The following ENTPD7 variants were observed in gnomAD, a reference collection of about 807,000 sequenced individuals.
ENTPD7 encodes the protein NTPDase 7.
ENTPD7 carries 53 observed loss-of-function variants against 77.9 expected under a neutral mutation model. The ratio of observed to expected loss-of-function variants is 0.68; its 90% confidence interval spans 0.55 to 0.85. The LOEUF (loss-of-function observed/expected upper bound fraction) is 0.85, where lower values mean the gene tolerates loss of function less well. Ranked by LOEUF, ENTPD7 falls within the 40% of genes least tolerant of loss-of-function variation. The probability of loss-of-function intolerance (pLI) is 0.00; values close to 1 mark genes in which losing one functional copy is unlikely to be tolerated. For synonymous variants in ENTPD7, 248 were observed against 274.9 expected (o/e 0.90, Z 0.97); for missense variants, 636 against 743.7 (o/e 0.86, Z 1.68).
intron 10 of ENTPD7, 193 bp from the exon 11 acceptor site, chr10:99,700,780 G>T: frequency 1.6e-6 from 1 of 621,222 alleles, no homozygotes; most frequent in Non-Finnish European, 2.9e-6. Flanking sequence ...AAGCTGGCTT[G>T]GTGCTAGACA....
chr10:99,690,145 A>G (rs1345459015), intron 7 of ENTPD7, among the ~76,000 whole-genome samples: 1 of 152,172 alleles, frequency 6.6e-6, no homozygotes, highest in African/African-American at 2.4e-5. Context: ...ATACTCTTTT[A>G]TATTCCCCTT....
At chr10:99,666,201 C>T (rs923609111) in intron 3 of ENTPD7, among the ~76,000 whole-genome samples, 1 of 151,860 alleles carries the variant, frequency 6.6e-6, no homozygotes, top group Non-Finnish European at 1.5e-5. Flanking sequence ...AAGGTTGGAA[C>T]TGCTTTTTAA....
intron 5 of ENTPD7, among the ~76,000 whole-genome samples, chr10:99,683,017 G>A (rs1352658958): frequency 6.6e-6 from 1 of 152,158 alleles, no homozygotes; most frequent in African/African-American, 2.4e-5. Context: ...AAAACCCACT[G>A]TGTAGCTCCA....
chr10:99,699,454 T>C (rs964338823), intron 10 of ENTPD7, among the ~76,000 whole-genome samples: 4 of 152,264 alleles, frequency 2.6e-5, no homozygotes, highest in Non-Finnish European at 5.9e-5. Context: ...CCTGGACAGA[T>C]GAAAGTTTAG....
intron 2 of ENTPD7, among the ~76,000 whole-genome samples, chr10:99,661,028 T>C (rs1161914569): frequency 6.6e-6 from 1 of 152,214 alleles, no homozygotes; most frequent in Non-Finnish European, 1.5e-5. Flanking sequence ...CCTTTTAAAC[T>C]GATTTGTCTT....
At position 99,707,226 on chromosome 10, in the gene ENTPD7, C is replaced by G. The variant is rs17112172; in HGVS notation, c.*2543C>G. On this transcript the variant is annotated 3_prime_UTR_variant, in exon 13 of 13. Transcript: ENST00000370489. ...TTAATATTATGGTATCTAGGCTTGTCTTTATTACCATGAGCAAGGTCTCCA... is the reference window on the plus strand; with the variant it reads ...TTAATATTATGGTATCTAGGCTTGTGTTTATTACCATGAGCAAGGTCTCCA... Among the ~76,000 whole-genome samples, 35,728 of 151,918 alleles carry G rather than the reference C, an allele frequency of 0.24. 4,316 individuals carry two copies. The highest frequency in any genetic ancestry group is 0.3 in the South Asian group (1,432 of 4,820).
chr10:99,663,040 C>G (rs1250952520), intron 3 of ENTPD7, among the ~76,000 whole-genome samples: 1 of 152,186 alleles, frequency 6.6e-6, no homozygotes, highest in African/African-American at 2.4e-5. Context: ...CTATATTTAC[C>G]ATTTCTGGTC....
Position 99,659,873 on chromosome 10 carries a change from A to C in ENTPD7, c.-84A>C. On this transcript the variant is annotated 5_prime_UTR_variant, in exon 2 of 13. Transcript: ENST00000370489. The surrounding 1 kb of genome is among the most constrained non-coding windows in gnomAD (Gnocchi z 4.1). ...TCAAATCTTTCTAGGCTGCAGACGT[A>C]GGAGATGCCTGGGACAAGGAGGCCA... 3.1e-6 allele frequency: 5 copies of C among 1,589,414 alleles called. No individual in the cohort carries two copies. Among genetic ancestry groups the C allele is most frequent in the Non-Finnish European group, 4.3e-6 (5 of 1,159,160 alleles).
In ENTPD7 at chr10:99,704,577, T is replaced by C; in HGVS notation, c.1709T>C (p.Leu570Pro). 6.2e-7 allele frequency: 1 copy of C among 1,614,232 alleles called. No individual in the cohort carries two copies. Reference protein sequence around the residue: ...VVLLAIFLYLLRLRRIHHRQT... With the variant: ...VVLLAIFLYLPRLRRIHHRQT... The stretch of plus-strand genomic sequence containing the variant: ...CTACTGGCCATCTTCCTATACCTTC[T>C]GCGGCTACGCCGAATTCACCACCGA... Residue 570 changes from leucine to proline, a missense_variant, in exon 13 of 13, where the codon CTG (leucine) becomes CCG (proline). This residue lies in a region of ENTPD7 where 138 missense variants were observed against 150.9 expected (regional missense o/e 0.91). Coordinates refer to ENST00000370489, the MANE Select transcript of ENTPD7 (RefSeq NM_020354.5).
intron 3 of ENTPD7, among the ~76,000 whole-genome samples, chr10:99,673,762 AC>A (rs1270907942): frequency 6.6e-6 from 1 of 152,222 alleles, no homozygotes; most frequent in African/African-American, 2.4e-5. Context: ...TAAGAAAGAG[AC>A]CAGTTGATTT....
At chr10:99,692,598 G>A (rs1047691678) in intron 8 of ENTPD7, among the ~76,000 whole-genome samples, 1 of 151,216 alleles carries the variant, frequency 6.6e-6, no homozygotes, top group Admixed American at 6.6e-5. Flanking sequence ...ATATACAAAG[G>A]CACAGAAAAA....
chr10:99,709,834 G>A lies in ENTPD7; in HGVS notation c.*5151G>A, dbSNP rs141301007. The A allele has an allele frequency of 2.4e-5, 24 of 985,076 alleles. No homozygotes were observed. Among genetic ancestry groups the A allele is most frequent in the South Asian group, 1.4e-4 (3 of 21,276 alleles). The allele number at this position is 985,076 out of a possible 1,614,324, so 61.0% of individuals were successfully genotyped here. ...CATTATTTTCCAGTTTGTCAGTACC[G>A]TTATCAGAGGGACGAGGAAGGAATA... On this transcript the variant is annotated 3_prime_UTR_variant, in exon 13 of 13. Transcript: ENST00000370489.
In ENTPD7 at chr10:99,710,774, A is replaced by C. The variant is rs80332976; in HGVS notation, c.*6091A>C. The C allele has an allele frequency of 2.4e-3, 2,321 of 984,550 alleles. 53 individuals are homozygous for C. The African/African-American group carries it at 0.038, about 16-fold the overall frequency. The allele number at this position is 984,550 out of a possible 1,614,324, so 61.0% of individuals were successfully genotyped here. A position where few individuals can be genotyped will look rare whatever the true frequency, so the allele number is the denominator to read the frequency against. ...ATTATCAGTGTTGATCTCTGCAACC[A>C]ACATTGCTTTAGGGAGTTGCTAGTC... is the stretch of plus-strand genomic sequence containing the variant. On this transcript the variant is annotated 3_prime_UTR_variant, in exon 13 of 13. Coordinates refer to ENST00000370489, the MANE Select transcript of ENTPD7 (RefSeq NM_020354.5).
At chr10:99,662,883 T>G (rs935022301) in intron 3 of ENTPD7, among the ~76,000 whole-genome samples, 1 of 152,248 alleles carries the variant, frequency 6.6e-6, no homozygotes, top group African/African-American at 2.4e-5. Flanking sequence ...ATGCTGCATG[T>G]GCCATATCCT....
chr10:99,710,976 GTGA>G lies in ENTPD7; in HGVS notation c.*6297_*6299del, dbSNP rs2036363783. 1.0e-6 allele frequency: 1 copy of G among 985,128 alleles called. No individual in the cohort carries two copies. The highest frequency in any genetic ancestry group is 1.2e-6 in the Non-Finnish European group (1 of 829,802). 61.0% of individuals were successfully genotyped at this position (985,128 alleles called of 1,614,324 possible). A position where few individuals can be genotyped will look rare whatever the true frequency, so the allele number is the denominator to read the frequency against. ...GAAATCTATTTAATCCTATAGGTAT[GTGA>G]TGACTTGTTTTTTTGGAAAAAGGTA... On this transcript the variant is annotated 3_prime_UTR_variant, in exon 13 of 13. Coordinates refer to ENST00000370489, the MANE Select transcript of ENTPD7 (RefSeq NM_020354.5).
At chr10:99,669,425 C>T (rs2133444825) in intron 3 of ENTPD7, among the ~76,000 whole-genome samples, 1 of 152,174 alleles carries the variant, frequency 6.6e-6, no homozygotes, top group East Asian at 1.9e-4. Context: ...GGTTTTCTCT[C>T]AGTAGTTCCA....
intron 3 of ENTPD7, among the ~76,000 whole-genome samples, chr10:99,669,042 CTTT>C (rs35881509): frequency 7.3e-6 from 1 of 137,798 alleles, no homozygotes; most frequent in Admixed American, 7.5e-5. Flanking sequence ...TTTTATATAT[CTTT>C]TTTTTTTTTT....
rs1358103601 is a variant in ENTPD7, at chr10:99,709,554, A to G, written c.*4871A>G. 2 of 983,604 alleles carry G rather than the reference A, an allele frequency of 2.0e-6. No individual in the cohort carries two copies. The highest frequency in any genetic ancestry group is 2.4e-6 in the Non-Finnish European group (2 of 828,270). 60.9% of individuals were successfully genotyped at this position (983,604 alleles called of 1,614,324 possible). The stretch of plus-strand genomic sequence containing the variant: ...TTATTAGTCAATAATATTTTGATTA[A>G]TACTATAGAATAGCAACAGTGAATA... On this transcript the variant is annotated 3_prime_UTR_variant, in exon 13 of 13. Coordinates refer to ENST00000370489, the MANE Select transcript of ENTPD7 (RefSeq NM_020354.5).
At chr10:99,678,645 C>T (rs2035715061) in intron 3 of ENTPD7, among the ~76,000 whole-genome samples, 1 of 150,778 alleles carries the variant, frequency 6.6e-6, no homozygotes, top group East Asian at 1.9e-4. Context: ...GGTGCAGTGG[C>T]TCATGCCTGT....
Sources: allele counts gnomAD v4.1 joint callset (sites outside exome capture counted in the v4.1 genomes callset), GRCh38; gene constraint gnomAD v4.1.1; regional missense constraint gnomAD v4.1.1; non-coding constraint Gnocchi (gnomAD v3.1); transcripts MANE v1.5; gene names NCBI Gene and HGNC (gene_info 2026-07-23, HGNC 2026-07-21).